TAFA5: variants seen among roughly 807,000 people sequenced by gnomAD.
TAFA5 encodes the protein chemokine-like protein TAFA-5.
In TAFA5, 6 loss-of-function variants were observed where a neutral mutation model predicts 15.3. The observed-to-expected ratio is 0.39, with a 90% confidence interval of 0.21 to 0.77. The LOEUF (loss-of-function observed/expected upper bound fraction) is 0.77, where lower values mean the gene tolerates loss of function less well. Ranked by LOEUF, TAFA5 falls within the 30% of genes least tolerant of loss-of-function variation. TAFA5 has a pLI of 0.41. For synonymous variants in TAFA5, 103 were observed against 80.7 expected, an observed-to-expected ratio of 1.28 and a Z score of -1.48; for missense variants, 161 against 193.1, an observed-to-expected ratio of 0.83 and a Z score of 0.98.
intron 1 of TAFA5, among the ~76,000 whole-genome samples, chr22:48,527,985 A>C (rs577868587): frequency 6.6e-6 from 1 of 152,334 alleles, no homozygotes; most frequent in East Asian, 1.9e-4. Context: ...CCTCTCTGGA[A>C]TCGGGAATGT....
chr22:48,521,352 G>A (rs1166087728), intron 1 of TAFA5, among the ~76,000 whole-genome samples: 1 of 152,158 alleles, frequency 6.6e-6, no homozygotes, highest in African/African-American at 2.4e-5. Flanking sequence ...AGGGACCCCT[G>A]GCGTTCAGTT....
At chr22:48,633,246 G>C (rs1047126711) in intron 1 of TAFA5, among the ~76,000 whole-genome samples, 1 of 152,228 alleles carries the variant, frequency 6.6e-6, no homozygotes, top group African/African-American at 2.4e-5. Flanking sequence ...AGGAGGGCAC[G>C]AATGTCATCT....
At chr22:48,563,156 C>T (rs1488343274) in intron 1 of TAFA5, among the ~76,000 whole-genome samples, 7 of 152,336 alleles carry the variant, frequency 4.6e-5, no homozygotes, top group African/African-American at 9.6e-5. Context: ...CAGGTCTTTG[C>T]GTGGCCCCCA....
At chr22:48,508,756 G>A (rs747585674) in intron 1 of TAFA5, among the ~76,000 whole-genome samples, 6 of 151,816 alleles carry the variant, frequency 4.0e-5, no homozygotes, top group Non-Finnish European at 5.9e-5. Flanking sequence ...AACAATGTGT[G>A]GTGATCAAAT....
At chr22:48,532,239 G>A (rs556985834) in intron 1 of TAFA5, among the ~76,000 whole-genome samples, 44 of 152,338 alleles carry the variant, frequency 2.9e-4, no homozygotes, top group African/African-American at 1.0e-3. Context: ...CGCCTCCAGG[G>A]CTGCCCAGCC....
intron 1 of TAFA5, among the ~76,000 whole-genome samples, chr22:48,549,422 C>T (rs1227683085): frequency 6.6e-6 from 1 of 152,232 alleles, no homozygotes; most frequent in Non-Finnish European, 1.5e-5. Flanking sequence ...GTACTGGATC[C>T]GTGCTCTTCT....
Position 48,750,106 on chromosome 22 carries a change from C to G in TAFA5, c.*259C>G. On this transcript the variant is annotated 3_prime_UTR_variant, in exon 4 of 4. Transcript: ENST00000402357. ...CAGCAATACGCAGTCTGTGGGAGCCCGGCCGCGCCCAGCCCCCGCCGACCG... is the reference window on the plus strand; with the variant it reads ...CAGCAATACGCAGTCTGTGGGAGCCGGGCCGCGCCCAGCCCCCGCCGACCG... 1 of 538,256 alleles carries G rather than the reference C, an allele frequency of 1.9e-6. No homozygotes were observed. The highest frequency in any genetic ancestry group is 3.2e-5 in the East Asian group (1 of 31,038). The allele number at this position is 538,256 out of a possible 1,614,324, so 33.3% of individuals were successfully genotyped here. A position where few individuals can be genotyped will look rare whatever the true frequency, so the allele number is the denominator to read the frequency against.
At chr22:48,510,331 A>T (rs1921165834) in intron 1 of TAFA5, among the ~76,000 whole-genome samples, 1 of 152,204 alleles carries the variant, frequency 6.6e-6, no homozygotes, top group Non-Finnish European at 1.5e-5. Flanking sequence ...TCATACAAGG[A>T]ACTCAACTCA....
At position 48,597,574 on chromosome 22, in the gene TAFA5, C is replaced by G. The variant is rs373350688; in HGVS notation, c.113-49023C>G. 1.2e-3 allele frequency among the ~76,000 whole-genome samples: 179 copies of G among 152,096 alleles called. 1 individual carries two copies. The highest frequency in any genetic ancestry group is 4.1e-3 in the African/African-American group (172 of 41,462). On this transcript the variant is annotated intron_variant, in intron 1 of 3. Coordinates refer to ENST00000402357, the MANE Select transcript of TAFA5 (RefSeq NM_001082967.3). ...GCTACCTGCAGCCCCCTTCACCACG[C>G]CACCATGGCCCGCATCACCTGGGCC...
At position 48,726,259 on chromosome 22, in the gene TAFA5, C is replaced by G. The variant is rs6010495; in HGVS notation, c.390+18415C>G. On this transcript the variant is annotated intron_variant, in intron 3 of 3. Transcript: ENST00000402357. ...GATTTGCAAGGATTTAGAAAGCTTA[C>G]CAGTTATGCCGAACCCTTACTGTCT... Among the ~76,000 whole-genome samples, 1,232 of 152,320 alleles carry G rather than the reference C, an allele frequency of 8.1e-3. 15 individuals are homozygous for G. The highest frequency in any genetic ancestry group is 0.028 in the African/African-American group (1,173 of 41,556).
At chr22:48,671,584 T>C (rs934054688) in intron 2 of TAFA5, among the ~76,000 whole-genome samples, 3 of 152,112 alleles carry the variant, frequency 2.0e-5, no homozygotes, top group South Asian at 2.1e-4. Flanking sequence ...TGGAACAGTG[T>C]CTGGAGAGGA....
At chr22:48,611,413 C>T (rs545793679) in intron 1 of TAFA5, among the ~76,000 whole-genome samples, 8 of 152,362 alleles carry the variant, frequency 5.3e-5, no homozygotes, top group African/African-American at 1.7e-4. Flanking sequence ...TTACCTGCGG[C>T]ATGTCAGCCC....
chr22:48,660,796 C>T (rs1371007310), intron 2 of TAFA5, among the ~76,000 whole-genome samples: 13 of 152,170 alleles, frequency 8.5e-5, no homozygotes, highest in Admixed American at 8.5e-4. Context: ...AGTGAGGAGG[C>T]TCCTCACCTT....
chr22:48,744,327 T>C (rs1219478472), intron 3 of TAFA5, among the ~76,000 whole-genome samples: 7 of 152,218 alleles, frequency 4.6e-5, no homozygotes, highest in Non-Finnish European at 1.0e-4. Flanking sequence ...TGTGGTTCTC[T>C]GGTGACCCCA....
intron 1 of TAFA5, among the ~76,000 whole-genome samples, chr22:48,526,892 A>G (rs914688658): frequency 2.0e-5 from 3 of 152,238 alleles, no homozygotes; most frequent in Non-Finnish European, 4.4e-5. Flanking sequence ...AGAATTAACA[A>G]TGACATCAAC....
At chr22:48,638,972 CAGGG>C (rs1448628856) in intron 1 of TAFA5, among the ~76,000 whole-genome samples, 1 of 146,852 alleles carries the variant, frequency 6.8e-6, no homozygotes, top group Non-Finnish European at 1.5e-5. Context: ...ACACCACACA[CAGGG>C]GGGACCCCGA....
intron 3 of TAFA5, 87 bp from the exon 4 acceptor site, chr22:48,749,752 G>C (rs937983111): frequency 6.8e-7 from 1 of 1,477,674 alleles, no homozygotes; most frequent in Non-Finnish European, 9.3e-7. Context: ...GCTGGCAGGA[G>C]CCGGGGAGGG....
intron 3 of TAFA5, among the ~76,000 whole-genome samples, chr22:48,734,038 A>C (rs1264363024): frequency 1.3e-5 from 2 of 152,222 alleles, no homozygotes; most frequent in South Asian, 4.1e-4. Flanking sequence ...CTGCATATGC[A>C]AAAAAGGGAG....
chr22:48,538,552 G>A (rs894072317), intron 1 of TAFA5, among the ~76,000 whole-genome samples: 1 of 152,242 alleles, frequency 6.6e-6, no homozygotes, highest in Non-Finnish European at 1.5e-5. Flanking sequence ...TGCCTGACAA[G>A]CAGTCCAGCT....
Sources: gnomAD v4.1 joint callset for allele counts (sites outside exome capture counted in the v4.1 genomes callset) on GRCh38, gnomAD v4.1.1 for gene constraint, MANE v1.5 for transcripts, NCBI Gene and HGNC (gene_info 2026-07-23, HGNC 2026-07-21) for gene names.